The following PUM1 variants were observed in gnomAD, a reference collection of about 807,000 sequenced individuals.
The protein encoded by PUM1 is pumilio homolog 1.
Under a neutral mutation model 131.8 loss-of-function variants are expected in PUM1, and 13 were observed. That is an observed-to-expected ratio of 0.10 (90% CI 0.06 to 0.16). PUM1 has a LOEUF of 0.16. Ranked by LOEUF, PUM1 falls within the 10% of genes least tolerant of loss-of-function variation. The pLI, the probability that PUM1 is intolerant of heterozygous loss-of-function variation, is 1.00. For synonymous variants in PUM1, 509 were observed against 556.5 expected (o/e 0.91, Z 1.20); for missense variants, 961 against 1,512.4 (o/e 0.64, Z 6.05).
At chr1:30,999,509 A>C (rs1642115983) in intron 5 of PUM1, among the ~76,000 whole-genome samples, 1 of 145,502 alleles carries the variant, frequency 6.9e-6, no homozygotes, top group African/African-American at 2.5e-5. Flanking sequence ...CGGGAGGCTG[A>C]GGCAGGAGAA....
chr1:31,010,689 T>G (rs546220175), intron 3 of PUM1, among the ~76,000 whole-genome samples: 3 of 152,154 alleles, frequency 2.0e-5, no homozygotes, highest in Non-Finnish European at 4.4e-5. Context: ...TGATACCACA[T>G]GAGTGAGTTT....
chr1:31,039,144 A>C (rs563536159), intron 2 of PUM1, among the ~76,000 whole-genome samples: 43 of 147,376 alleles, frequency 2.9e-4, no homozygotes, highest in Non-Finnish European at 6.0e-4. Context: ...CTACACGTGT[A>C]TGTCACCATG....
intron 21 of PUM1, among the ~76,000 whole-genome samples, chr1:30,934,566 ACAGTC>A (rs1174347032): frequency 1.1e-4 from 16 of 152,180 alleles, no homozygotes; most frequent in Admixed American, 2.0e-4. Context: ...CTGGTGGCAA[ACAGTC>A]CTTGGTTCCA....
At chr1:31,065,010 G>A (rs1644453017) in intron 1 of PUM1, among the ~76,000 whole-genome samples, 1 of 152,076 alleles carries the variant, frequency 6.6e-6, no homozygotes, top group African/African-American at 2.4e-5. Context: ...AGCTCACACG[G>A]AAACAAAAGG....
At chr1:31,062,797 T>C (rs1193402422) in intron 1 of PUM1, among the ~76,000 whole-genome samples, 2 of 152,186 alleles carry the variant, frequency 1.3e-5, no homozygotes, top group African/African-American at 2.4e-5. Context: ...ACAAATCTAC[T>C]ATCTCTCTGT....
rs1570319763 is a variant in PUM1, at chr1:31,035,252, G to A, written c.364-6388C>T. On this transcript the variant is annotated intron_variant, in intron 2 of 21. Coordinates refer to ENST00000426105, the MANE Select transcript of PUM1 (RefSeq NM_001020658.2). ...TATTAAAAATATGAAAATCAGCCAGGCATGATGGCACATGCCTGTAATCCC... is the reference window on the plus strand; with the variant it reads ...TATTAAAAATATGAAAATCAGCCAGACATGATGGCACATGCCTGTAATCCC... Among the ~76,000 whole-genome samples the A allele has an allele frequency of 2.6e-5, 4 of 152,152 alleles. No individual in the cohort carries two copies. In the East Asian group the frequency reaches 5.8e-4, roughly 22 times the overall value.
intron 5 of PUM1, among the ~76,000 whole-genome samples, chr1:31,000,501 G>A (rs1277772801): frequency 6.6e-6 from 1 of 152,184 alleles, no homozygotes; most frequent in East Asian, 1.9e-4. Context: ...ACTATATATT[G>A]TTGAGGTCAG....
chr1:30,956,424 C>T (rs558440026), intron 14 of PUM1, among the ~76,000 whole-genome samples: 23 of 152,142 alleles, frequency 1.5e-4, no homozygotes, highest in African/African-American at 5.1e-4. Context: ...CCACCACGCC[C>T]GGCTAATTTT....
intron 11 of PUM1, 81 bp downstream of exon 11, chr1:30,968,273 C>T: frequency 2.5e-6 from 4 of 1,579,910 alleles, no homozygotes; most frequent in African/African-American, 1.3e-5. Flanking sequence ...GGTGAAAGCA[C>T]TGCTCATTCC....
intron 3 of PUM1, among the ~76,000 whole-genome samples, chr1:31,021,489 G>A (rs1290599362): frequency 6.6e-6 from 1 of 152,150 alleles, no homozygotes. Flanking sequence ...ATATTTAGCA[G>A]CTATTGTTTA....
At chr1:31,038,979 T>TAC in intron 2 of PUM1, among the ~76,000 whole-genome samples, 1 of 40,394 alleles carries the variant, frequency 2.5e-5, no homozygotes, top group Non-Finnish European at 4.5e-5. Context: ...TATATATATA[T>TAC]ATATATTTTT....
intron 5 of PUM1, among the ~76,000 whole-genome samples, chr1:31,002,746 T>C (rs894024250): frequency 2.0e-5 from 3 of 152,220 alleles, no homozygotes; most frequent in African/African-American, 7.2e-5. Context: ...AAGTTTGAGA[T>C]TCCTATGTGG....
chr1:30,981,205 T>C (rs1227379176), intron 8 of PUM1, 107 bp downstream of exon 8: 3 of 620,278 alleles, frequency 4.8e-6, no homozygotes, highest in East Asian at 6.3e-5. Context: ...CTGAGGGATT[T>C]GTCTGAACTT....
At chr1:30,963,630 C>T (rs975350908) in intron 14 of PUM1, among the ~76,000 whole-genome samples, 4 of 152,182 alleles carry the variant, frequency 2.6e-5, no homozygotes, top group African/African-American at 9.7e-5. Flanking sequence ...TCTGCCTATC[C>T]AAACGAAGGC....
chr1:30,944,108 C>T (rs1043831188), intron 18 of PUM1, among the ~76,000 whole-genome samples: 5 of 151,548 alleles, frequency 3.3e-5, no homozygotes, highest in African/African-American at 1.2e-4. Context: ...TTAAGGTAAA[C>T]AGATCTACCC....
rs199835434 is a variant in PUM1, at chr1:30,996,178, T to C, written c.721-958A>G. Among the ~76,000 whole-genome samples, 18 of 152,356 alleles carry C rather than the reference T, an allele frequency of 1.2e-4. No individual in the cohort carries two copies. The East Asian group carries it at 3.3e-3, about 28-fold the overall frequency. On this transcript the variant is annotated intron_variant, in intron 5 of 21. Transcript: ENST00000426105. ...GGGTTAAGGGTTTAACCCTTTGTTC[T>C]TGTAAAACTAGAGGGAAGCAGCCTT...
intron 2 of PUM1, among the ~76,000 whole-genome samples, chr1:31,050,198 T>C (rs1644075884): frequency 1.3e-5 from 2 of 152,112 alleles, no homozygotes; most frequent in South Asian, 2.1e-4. Flanking sequence ...GTTAAAATTA[T>C]AGTCAGGCCA....
chr1:31,013,570 C>T (rs1194582895), intron 3 of PUM1, among the ~76,000 whole-genome samples: 1 of 152,166 alleles, frequency 6.6e-6, no homozygotes, highest in Non-Finnish European at 1.5e-5. Flanking sequence ...ATGCAGGAAA[C>T]AAATGCTTGA....
chr1:30,946,586 A>G (rs10753240), intron 17 of PUM1, among the ~76,000 whole-genome samples: 114,449 of 148,428 alleles, frequency 0.77, 45,074 homozygotes, highest in African/African-American at 0.92. Flanking sequence ...GCAGTGAGGC[A>G]AGATTGTGCC....
Sources: gnomAD v4.1 joint callset for allele counts (sites outside exome capture counted in the v4.1 genomes callset) on GRCh38, gnomAD v4.1.1 for gene constraint, MANE v1.5 for transcripts, NCBI Gene and HGNC (gene_info 2026-07-23, HGNC 2026-07-21) for gene names.